THRB: variants seen among roughly 807,000 people sequenced by gnomAD.
The protein encoded by THRB is nuclear receptor subfamily 1 group A member 2.
A neutral mutation model predicts 47.8 loss-of-function variants in THRB; 12 were observed. The ratio of observed to expected loss-of-function variants is 0.25; its 90% CI spans 0.16 to 0.41. The LOEUF (loss-of-function observed/expected upper bound fraction) is 0.41. THRB is among the 10% of genes least tolerant of loss of function. The pLI, the probability that THRB is intolerant of heterozygous loss-of-function variation, is 1.00. For missense variants in THRB, 348 were observed against 589.2 expected (o/e 0.59, Z 4.24); for synonymous variants, 218 against 212.2 (o/e 1.03, Z -0.24).
At chr3:24,431,275 C>CT (rs1560170132) in intron 1 of THRB, among the ~76,000 whole-genome samples, 8 of 151,530 alleles carry the variant, frequency 5.3e-5, no homozygotes, top group South Asian at 2.1e-4. Flanking sequence ...CACACACACA[C>CT]ACACACACAC....
intron 6 of THRB, among the ~76,000 whole-genome samples, chr3:24,147,094 G>A (rs777203643): frequency 5.3e-5 from 8 of 151,860 alleles, no homozygotes; most frequent in African/African-American, 1.2e-4. Flanking sequence ...AACATCTAGC[G>A]CTTGTTTTTA....
chr3:24,184,773 G>A lies in THRB; in HGVS notation c.283+5301C>T, dbSNP rs149530314. Reference sequence around the variant, plus strand: ...GTTGGGACTGCAGATCCTGATGTATGATGAGTGGGGCAGAGTAGAGAGCAG... The same window carrying A: ...GTTGGGACTGCAGATCCTGATGTATAATGAGTGGGGCAGAGTAGAGAGCAG... On this transcript the variant is annotated intron_variant, in intron 5 of 10. Transcript: ENST00000646209. Among the ~76,000 whole-genome samples, 386 of 152,308 alleles carry A rather than the reference G, an allele frequency of 2.5e-3. 5 individuals carry two copies. The highest frequency in any genetic ancestry group is 9.0e-3 in the African/African-American group (372 of 41,562).
chr3:24,355,289 C>A (rs1477562218), intron 1 of THRB, among the ~76,000 whole-genome samples: 2 of 151,962 alleles, frequency 1.3e-5, no homozygotes, highest in Non-Finnish European at 2.9e-5. Context: ...CTTGTATCCT[C>A]CAAAAATACC....
intron 1 of THRB, among the ~76,000 whole-genome samples, chr3:24,437,811 C>A (rs145943971): frequency 6.6e-6 from 1 of 151,898 alleles, no homozygotes; most frequent in African/African-American, 2.4e-5. Context: ...CTAAATTTAC[C>A]CAGCAGGAAA....
intron 1 of THRB, among the ~76,000 whole-genome samples, chr3:24,456,769 CTG>C (rs1560231154): frequency 1.3e-5 from 2 of 151,848 alleles, no homozygotes; most frequent in Admixed American, 6.6e-5. Flanking sequence ...ATCTTATACA[CTG>C]TCTTATTATA....
At chr3:24,267,178 T>C (rs1167589651) in intron 3 of THRB, among the ~76,000 whole-genome samples, 1 of 151,802 alleles carries the variant, frequency 6.6e-6, no homozygotes, top group Non-Finnish European at 1.5e-5. Flanking sequence ...GTGAGGAATA[T>C]AAAGCTAACA....
chr3:24,258,253 A>G (rs2051529351), intron 3 of THRB, among the ~76,000 whole-genome samples: 1 of 152,150 alleles, frequency 6.6e-6, no homozygotes, highest in Non-Finnish European at 1.5e-5. Context: ...ACAGGGTGGG[A>G]GGCCCTGTCC....
intron 4 of THRB, among the ~76,000 whole-genome samples, chr3:24,208,180 C>G (rs982581790): frequency 6.0e-5 from 9 of 151,174 alleles, no homozygotes; most frequent in African/African-American, 1.9e-4. Flanking sequence ...CAAACCATTG[C>G]TCAACAAAAA....
intron 3 of THRB, among the ~76,000 whole-genome samples, chr3:24,233,617 G>GAAAGAAAGAT (rs2048558082): frequency 1.7e-5 from 1 of 59,664 alleles, no homozygotes; most frequent in Non-Finnish European, 4.5e-5. Context: ...GAAAGAAAGA[G>GAAAGAAAGAT]AAAGAGCCTG....
intron 1 of THRB, among the ~76,000 whole-genome samples, chr3:24,451,141 C>G (rs943316166): frequency 6.6e-6 from 1 of 151,502 alleles, no homozygotes; most frequent in South Asian, 2.1e-4. Flanking sequence ...TATCCACTTA[C>G]TAATGACGTC....
At chr3:24,329,602 T>C (rs1034416795) in intron 2 of THRB, among the ~76,000 whole-genome samples, 1 of 152,246 alleles carries the variant, frequency 6.6e-6, no homozygotes, top group African/African-American at 2.4e-5. Flanking sequence ...ATTTACACAG[T>C]GACCAAACTG....
At chr3:24,421,951 C>T (rs1441712941) in intron 1 of THRB, among the ~76,000 whole-genome samples, 1 of 151,902 alleles carries the variant, frequency 6.6e-6, no homozygotes, top group Non-Finnish European at 1.5e-5. Context: ...AAGGCGCATG[C>T]TAATCTGATT....
At chr3:24,172,217 T>C (rs904209777) in intron 5 of THRB, among the ~76,000 whole-genome samples, 1 of 152,150 alleles carries the variant, frequency 6.6e-6, no homozygotes, top group African/African-American at 2.4e-5. Flanking sequence ...AAGGCACGGA[T>C]ACATAACAGT....
intron 1 of THRB, among the ~76,000 whole-genome samples, chr3:24,415,300 C>G (rs1309241562): frequency 1.3e-5 from 2 of 151,862 alleles, no homozygotes; most frequent in Non-Finnish European, 2.9e-5. Flanking sequence ...CTGTGACTAA[C>G]AAACTCTCCT....
At chr3:24,398,645 T>C (rs2067158374) in intron 1 of THRB, among the ~76,000 whole-genome samples, 1 of 152,128 alleles carries the variant, frequency 6.6e-6, no homozygotes, top group African/African-American at 2.4e-5. Flanking sequence ...GTAAACTAGT[T>C]CAACCATTGT....
chr3:24,183,076 A>G (rs2042108159), intron 5 of THRB, among the ~76,000 whole-genome samples: 1 of 152,128 alleles, frequency 6.6e-6, no homozygotes, highest in Non-Finnish European at 1.5e-5. Context: ...GAGAAAAAAA[A>G]TACTTTGGTT....
rs192467818 is a variant in THRB, at chr3:24,462,519, A to G, written c.-261+32133T>C. Among the ~76,000 whole-genome samples the G allele has an allele frequency of 4.2e-3, 637 of 152,376 alleles. 8 individuals carry two copies. The highest frequency in any genetic ancestry group is 6.4e-3 in the Non-Finnish European group (437 of 68,034). On this transcript the variant is annotated intron_variant, in intron 1 of 10. Coordinates refer to ENST00000646209, the MANE Select transcript of THRB (RefSeq NM_001354712.2). Reference sequence around the variant, plus strand: ...CTGTTCTAAACTATTACATATTAGAAAATTATCTATGTGATTAAATTTGTT... The same window carrying G: ...CTGTTCTAAACTATTACATATTAGAGAATTATCTATGTGATTAAATTTGTT...
chr3:24,293,337 A>T (rs1276878456), intron 3 of THRB, among the ~76,000 whole-genome samples: 1 of 152,254 alleles, frequency 6.6e-6, no homozygotes, highest in Non-Finnish European at 1.5e-5. Flanking sequence ...AGCAAGAGAA[A>T]GAAATGAAAA....
chr3:24,155,276 GT>G (rs767293564), intron 5 of THRB, among the ~76,000 whole-genome samples: 5 of 152,166 alleles, frequency 3.3e-5, no homozygotes, highest in Non-Finnish European at 5.9e-5. Context: ...TTCTTCATGG[GT>G]GGAGGTGATT....
Sources: gnomAD v4.1 joint callset for allele counts (sites outside exome capture counted in the v4.1 genomes callset) on GRCh38, gnomAD v4.1.1 for gene constraint, MANE v1.5 for transcripts, NCBI Gene and HGNC (gene_info 2026-07-23, HGNC 2026-07-21) for gene names.